The following DPP10 variants were observed in gnomAD, a reference collection of about 807,000 sequenced individuals.
DPP10 encodes the protein dipeptidyl peptidase like 10, also known as inactive dipeptidyl peptidase 10.
A neutral mutation model predicts 120.9 loss-of-function variants in DPP10; 33 were observed. That is an observed-to-expected ratio of 0.27 (90% CI 0.21 to 0.37). The LOEUF is 0.37. Ranked by LOEUF, DPP10 falls within the 10% of genes least tolerant of loss-of-function variation. DPP10 has a pLI of 1.00. For missense variants in DPP10, 816 were observed against 942.8 expected, an observed-to-expected ratio of 0.87 and a Z score of 1.76; for synonymous variants, 337 against 326.1, an observed-to-expected ratio of 1.03 and a Z score of -0.36.
intron 1 of DPP10, among the ~76,000 whole-genome samples, chr2:114,824,920 T>C (rs1240412754): frequency 6.6e-6 from 1 of 152,166 alleles, no homozygotes; most frequent in Admixed American, 6.5e-5. Context: ...AATAATAAGA[T>C]GAAACCCTGG....
chr2:114,634,322 ATCCTG>A (rs1182841885), intron 1 of DPP10, among the ~76,000 whole-genome samples: 1 of 151,900 alleles, frequency 6.6e-6, no homozygotes, highest in African/African-American at 2.4e-5. Context: ...TCTCATTCCT[ATCCTG>A]TCCTTTCTAC....
At chr2:115,358,507 C>G (rs1486649965) in intron 3 of DPP10, among the ~76,000 whole-genome samples, 1 of 152,122 alleles carries the variant, frequency 6.6e-6, no homozygotes, top group Non-Finnish European at 1.5e-5. Flanking sequence ...GTCTTCTGAG[C>G]CCTCCAAGTC....
chr2:114,933,694 A>T (rs1307569463), intron 1 of DPP10, among the ~76,000 whole-genome samples: 1 of 152,234 alleles, frequency 6.6e-6, no homozygotes, highest in Non-Finnish European at 1.5e-5. Context: ...GATAAAAATA[A>T]CTAGAAGAAT....
At chr2:115,499,302 C>G (rs550880669) in intron 3 of DPP10, among the ~76,000 whole-genome samples, 1 of 152,124 alleles carries the variant, frequency 6.6e-6, no homozygotes, top group South Asian at 2.1e-4. Context: ...CATACTAACC[C>G]CTTGTTCATT....
intron 1 of DPP10, among the ~76,000 whole-genome samples, chr2:114,980,441 T>C (rs1700009823): frequency 6.6e-6 from 1 of 152,124 alleles, no homozygotes; most frequent in Non-Finnish European, 1.5e-5. Flanking sequence ...TTAATATCCC[T>C]GTAAAATTAC....
intron 1 of DPP10, among the ~76,000 whole-genome samples, chr2:114,699,402 G>A (rs578172745): frequency 6.6e-6 from 1 of 152,092 alleles, no homozygotes; most frequent in East Asian, 1.9e-4. Context: ...GCACTTAAGA[G>A]ACTTTCACTT....
chr2:114,779,860 A>G (rs1245737039), intron 1 of DPP10, among the ~76,000 whole-genome samples: 1 of 152,166 alleles, frequency 6.6e-6, no homozygotes, highest in Non-Finnish European at 1.5e-5. Context: ...GAAGGGGCTG[A>G]GCACGGTGGC....
At chr2:115,678,871 G>A (rs1300208272) in intron 5 of DPP10, among the ~76,000 whole-genome samples, 1 of 152,198 alleles carries the variant, frequency 6.6e-6, no homozygotes, top group East Asian at 1.9e-4. Context: ...GTGGGCCATG[G>A]AGTCAAAACA....
intron 4 of DPP10, among the ~76,000 whole-genome samples, chr2:115,512,311 G>T (rs933691954): frequency 6.6e-6 from 1 of 151,716 alleles, no homozygotes; most frequent in African/African-American, 2.4e-5. Context: ...TTTTGCCCAG[G>T]CTGGTTGTGA....
intron 3 of DPP10, among the ~76,000 whole-genome samples, chr2:115,382,673 A>G (rs1017068433): frequency 6.6e-6 from 1 of 152,254 alleles, no homozygotes; most frequent in African/African-American, 2.4e-5. Context: ...AGGTAAAAGT[A>G]GGGACATTTT....
intron 1 of DPP10, among the ~76,000 whole-genome samples, chr2:114,797,176 G>T (rs564027980): frequency 6.6e-6 from 1 of 152,138 alleles, no homozygotes; most frequent in Non-Finnish European, 1.5e-5. Flanking sequence ...GTAAATCTAG[G>T]TAGCCAAGAG....
At chr2:115,549,304 C>A (rs1050672390) in intron 5 of DPP10, among the ~76,000 whole-genome samples, 1 of 152,046 alleles carries the variant, frequency 6.6e-6, no homozygotes, top group African/African-American at 2.4e-5. Flanking sequence ...TCCTTTCTAC[C>A]CCAACTGTGT....
At chr2:114,920,071 G>T (rs1335556014) in intron 1 of DPP10, among the ~76,000 whole-genome samples, 1 of 152,048 alleles carries the variant, frequency 6.6e-6, no homozygotes, top group Non-Finnish European at 1.5e-5. Context: ...ACAGTCTTTG[G>T]CCCCTCCACA....
At chr2:114,548,358 C>T (rs948020772) in intron 1 of DPP10, among the ~76,000 whole-genome samples, 2 of 152,128 alleles carry the variant, frequency 1.3e-5, no homozygotes, top group Non-Finnish European at 2.9e-5. Flanking sequence ...GACACAGCCT[C>T]AAAATTAGTA....
intron 1 of DPP10, among the ~76,000 whole-genome samples, chr2:114,653,027 A>AGTGTGTGTGT (rs10528455): frequency 0.034 from 4,558 of 135,644 alleles, 180 homozygotes; most frequent in East Asian, 0.1. Context: ...AGAGAGAGAG[A>AGTGTGTGTGT]GTGTGTGTGT....
At chr2:115,722,256 T>C (rs1559073829) in intron 7 of DPP10, among the ~76,000 whole-genome samples, 1 of 151,764 alleles carries the variant, frequency 6.6e-6, no homozygotes, top group Non-Finnish European at 1.5e-5. Flanking sequence ...GTTGTGTTCT[T>C]ATCACACAAT....
intron 1 of DPP10, among the ~76,000 whole-genome samples, chr2:114,799,647 G>A (rs151165913): frequency 1.6e-4 from 25 of 152,280 alleles, no homozygotes; most frequent in African/African-American, 5.1e-4. Context: ...TCTGAGGTTC[G>A]TCTGTGATCA....
chr2:114,549,110 T>C (rs940085936), intron 1 of DPP10, among the ~76,000 whole-genome samples: 1 of 152,058 alleles, frequency 6.6e-6, no homozygotes, highest in Non-Finnish European at 1.5e-5. Context: ...ATGTTCTTAT[T>C]TGGGTCATTT....
In DPP10 at chr2:114,670,676, A is replaced by G. The variant is rs1405662509; in HGVS notation, c.60+227838A>G. The stretch of plus-strand genomic sequence containing the variant: ...GCACATGCACCCTAAAACTTAAAGT[A>G]TAATAATAATAAGAAAAATTATTTT... On this transcript the variant is annotated intron_variant, in intron 1 of 25. Transcript: ENST00000410059. 2.6e-5 allele frequency among the ~76,000 whole-genome samples: 4 copies of G among 152,174 alleles called. No homozygotes were observed. The East Asian group carries it at 7.7e-4, about 29-fold the overall frequency.
Sources: allele counts gnomAD v4.1 joint callset (sites outside exome capture counted in the v4.1 genomes callset), GRCh38; gene constraint gnomAD v4.1.1; transcripts MANE v1.5; gene names NCBI Gene and HGNC (gene_info 2026-07-23, HGNC 2026-07-21).